Variants in CSMD1 observed in about 807,000 individuals in gnomAD.
The protein encoded by CSMD1 is CUB and Sushi multiple domains 1.
CSMD1 carries 213 observed loss-of-function variants against 417.5 expected under a neutral mutation model. That is an observed-to-expected ratio of 0.51 (90% CI 0.46 to 0.57). The LOEUF (loss-of-function observed/expected upper bound fraction) is 0.57. Among genes scored for constraint, CSMD1 ranks in the 20% least tolerant of loss-of-function variants. CSMD1 has a pLI of 0.00. For missense variants in CSMD1, 6,923 were observed against 4,529.7 expected, an observed-to-expected ratio of 1.53 and a Z score of -15.17; for synonymous variants, 2,862 against 1,736.8, an observed-to-expected ratio of 1.65 and a Z score of -16.11.
intron 23 of CSMD1, among the ~76,000 whole-genome samples, chr8:3,323,357 C>G (rs958302819): frequency 6.6e-6 from 1 of 152,116 alleles, no homozygotes; most frequent in Admixed American, 6.6e-5. Flanking sequence ...AATTTTATCT[C>G]TATTTATTTT....
chr8:4,937,960 T>A (rs1807734497), intron 1 of CSMD1, among the ~76,000 whole-genome samples: 1 of 152,230 alleles, frequency 6.6e-6, no homozygotes. Flanking sequence ...AATTTTAATC[T>A]GTTTTCAACA....
chr8:3,603,511 A>G (rs1286756255), intron 8 of CSMD1, among the ~76,000 whole-genome samples: 1 of 152,164 alleles, frequency 6.6e-6, no homozygotes. Context: ...TAGACAAGAG[A>G]GTAAAAATCA....
intron 6 of CSMD1, among the ~76,000 whole-genome samples, chr8:3,715,802 C>G (rs1801797909): frequency 6.6e-6 from 1 of 152,286 alleles, no homozygotes; most frequent in South Asian, 2.1e-4. Context: ...CCTGGCCTCC[C>G]AAAGTGCTGG....
chr8:4,024,456 C>A (rs1468659693), intron 4 of CSMD1, among the ~76,000 whole-genome samples: 1 of 152,096 alleles, frequency 6.6e-6, no homozygotes, highest in Non-Finnish European at 1.5e-5. Flanking sequence ...TACTGATCTT[C>A]AATGTTAGTA....
chr8:3,694,446 T>C lies in CSMD1; in HGVS notation c.1009+13968A>G, dbSNP rs1800436735. On this transcript the variant is annotated intron_variant, in intron 7 of 69. Coordinates refer to ENST00000635120, the MANE Select transcript of CSMD1 (RefSeq NM_033225.6). The stretch of plus-strand genomic sequence containing the variant: ...TAACTGTGTCAGGCAGACAGCTGCA[T>C]ACATGAGTCTGGGAAAGACGGCCAG... Among the ~76,000 whole-genome samples the C allele has an allele frequency of 2.6e-5, 4 of 152,098 alleles. No homozygotes were observed. In the South Asian group the frequency reaches 8.3e-4, roughly 32 times the overall value.
intron 5 of CSMD1, among the ~76,000 whole-genome samples, chr8:3,865,254 G>A (rs1407276330): frequency 6.6e-6 from 1 of 152,160 alleles, no homozygotes. Flanking sequence ...ACCAAGTAGG[G>A]ACAGTAAGTT....
intron 5 of CSMD1, among the ~76,000 whole-genome samples, chr8:3,785,366 T>C (rs1049481585): frequency 1.3e-5 from 2 of 152,128 alleles, no homozygotes; most frequent in African/African-American, 4.8e-5. Flanking sequence ...AACCATTTCT[T>C]TTTTCATTCC....
At chr8:4,271,988 T>C (rs1385740894) in intron 3 of CSMD1, among the ~76,000 whole-genome samples, 1 of 152,144 alleles carries the variant, frequency 6.6e-6, no homozygotes, top group Non-Finnish European at 1.5e-5. Context: ...ATAGATGGAT[T>C]TCACATCCCC....
intron 1 of CSMD1, among the ~76,000 whole-genome samples, chr8:4,965,479 G>T (rs1040224656): frequency 6.6e-6 from 1 of 152,206 alleles, no homozygotes; most frequent in Non-Finnish European, 1.5e-5. Context: ...GATTCAGAAG[G>T]ATCAGAAGGA....
At chr8:3,469,058 T>C (rs1236950044) in intron 11 of CSMD1, 4 of 377,090 alleles carry the variant, frequency 1.1e-5, no homozygotes, top group East Asian at 9.0e-5. Flanking sequence ...GAATTTTCTT[T>C]TAAAAAATCA....
rs1797982194 is a variant in CSMD1 at position 4,175,317 on chromosome 8, TAGGTTAA to T, written c.416-143225_416-143219del. Among the ~76,000 whole-genome samples, 3 of 152,220 alleles carry T rather than the reference TAGGTTAA, an allele frequency of 2.0e-5. No homozygotes were observed. The South Asian group carries it at 6.2e-4, about 32-fold the overall frequency. On this transcript the variant is annotated intron_variant, in intron 3 of 69. Transcript: ENST00000635120. ...TTAGGACAGTGAATCTTCCATTGTTTAGGTTAAAGTTATCTTCGTCACTTTTTTCTAA... is the reference window on the plus strand; with the variant it reads ...TTAGGACAGTGAATCTTCCATTGTTTAGTTATCTTCGTCACTTTTTTCTAA...
chr8:3,621,154 T>C (rs189810140), intron 7 of CSMD1, among the ~76,000 whole-genome samples: 1 of 152,178 alleles, frequency 6.6e-6, no homozygotes, highest in African/African-American at 2.4e-5. Context: ...ATCTCAGGCT[T>C]CTACCCTCTA....
At chr8:3,741,199 G>C (rs1365632551) in intron 6 of CSMD1, among the ~76,000 whole-genome samples, 2 of 115,948 alleles carry the variant, frequency 1.7e-5, no homozygotes, top group African/African-American at 3.4e-5. Context: ...GGGCAACAGA[G>C]CAAGACTCCG....
chr8:3,638,205 G>A (rs545072659), intron 7 of CSMD1, among the ~76,000 whole-genome samples: 4 of 152,066 alleles, frequency 2.6e-5, no homozygotes, highest in Non-Finnish European at 5.9e-5. Context: ...GCAAGTCTTG[G>A]AGTTCAGAAC....
chr8:4,964,595 G>A (rs1809730734), intron 1 of CSMD1, among the ~76,000 whole-genome samples: 2 of 150,804 alleles, frequency 1.3e-5, no homozygotes, highest in Non-Finnish European at 2.9e-5. Flanking sequence ...AAGAAGGACT[G>A]GAGTTAATCA....
At chr8:3,015,823 T>C (rs776406283) in intron 52 of CSMD1, among the ~76,000 whole-genome samples, 25 of 152,026 alleles carry the variant, frequency 1.6e-4, no homozygotes, top group South Asian at 1.0e-3. Context: ...AGAAAAGCAA[T>C]AGCAAGACTG....
At chr8:3,622,581 T>C (rs181147691) in intron 7 of CSMD1, among the ~76,000 whole-genome samples, 143 of 152,332 alleles carry the variant, frequency 9.4e-4, no homozygotes, top group African/African-American at 3.3e-3. Flanking sequence ...GGTTACTTAG[T>C]TGGAATTCTG....
chr8:4,918,621 C>G (rs60853058), intron 1 of CSMD1, among the ~76,000 whole-genome samples: 3 of 152,094 alleles, frequency 2.0e-5, no homozygotes, highest in African/African-American at 7.2e-5. Context: ...AGCTGAATCA[C>G]GTTACTTCAG....
At chr8:3,815,984 G>C (rs896049153) in intron 5 of CSMD1, among the ~76,000 whole-genome samples, 2 of 152,140 alleles carry the variant, frequency 1.3e-5, no homozygotes, top group Non-Finnish European at 2.9e-5. Flanking sequence ...CTTGATGAAA[G>C]CATTACAACA....
Sources: gnomAD v4.1 joint callset for allele counts (sites outside exome capture counted in the v4.1 genomes callset) on GRCh38, gnomAD v4.1.1 for gene constraint, MANE v1.5 for transcripts, NCBI Gene and HGNC (gene_info 2026-07-23, HGNC 2026-07-21) for gene names.